Variants in SMIM36 observed in about 807,000 individuals in gnomAD.
SMIM36 encodes small integral membrane protein 36.
intron 1 of SMIM36, among the ~76,000 whole-genome samples, chr17:55,493,020 G>C (rs896218488): frequency 1.3e-5 from 2 of 152,172 alleles, no homozygotes; most frequent in Non-Finnish European, 2.9e-5. Context: ...ATGTCAGATG[G>C]AAAACATGTT....
At chr17:55,475,214 C>T (rs1348794464) in intron 3 of SMIM36, among the ~76,000 whole-genome samples, 1 of 152,174 alleles carries the variant, frequency 6.6e-6, no homozygotes. Context: ...CCTGTTTACA[C>T]TGCCGGTTTA....
chr17:55,473,382 C>T (rs899185910), intron 3 of SMIM36, among the ~76,000 whole-genome samples: 12 of 152,174 alleles, frequency 7.9e-5, no homozygotes, highest in African/African-American at 2.2e-4. Context: ...TCGACACCTC[C>T]ACCAGATGGG....
the SMIM36 span, among the ~76,000 whole-genome samples, chr17:55,522,810 A>G: frequency 6.6e-6 from 1 of 152,078 alleles, no homozygotes; most frequent in Non-Finnish European, 1.5e-5. Flanking sequence ...TTTGTTTGTG[A>G]TATGACTCTC....
At chr17:55,460,446 A>C (rs1030666463) in intron 4 of SMIM36, among the ~76,000 whole-genome samples, 1 of 97,374 alleles carries the variant, frequency 1.0e-5, no homozygotes, top group South Asian at 3.1e-4. Flanking sequence ...AAAACAAAAA[A>C]CAAAACAAAA....
At chr17:55,492,242 CTTT>C (rs770501215) in intron 1 of SMIM36, among the ~76,000 whole-genome samples, 90 of 111,308 alleles carry the variant, frequency 8.1e-4, no homozygotes, top group African/African-American at 2.7e-3. Context: ...TTCTTTCTTT[CTTT>C]TTTTTTTTTT....
chr17:55,496,883 C>T (rs1567869536), intron 1 of SMIM36, among the ~76,000 whole-genome samples: 1 of 152,160 alleles, frequency 6.6e-6, no homozygotes, highest in Non-Finnish European at 1.5e-5. Context: ...CCCACCCTTT[C>T]AACCTAAAGG....
chr17:55,462,993 C>G (rs1909171852), intron 4 of SMIM36, among the ~76,000 whole-genome samples: 2 of 152,164 alleles, frequency 1.3e-5, no homozygotes, highest in South Asian at 4.2e-4. Flanking sequence ...GATTTATCTT[C>G]ATTTACCCAA....
intron 1 of SMIM36, among the ~76,000 whole-genome samples, chr17:55,482,058 A>G (rs919075270): frequency 6.6e-6 from 1 of 152,178 alleles, no homozygotes; most frequent in Non-Finnish European, 1.5e-5. Flanking sequence ...AACCCTCTCC[A>G]TTGAGCTGAC....
At chr17:55,496,126 C>T (rs924589453) in intron 1 of SMIM36, among the ~76,000 whole-genome samples, 1 of 152,184 alleles carries the variant, frequency 6.6e-6, no homozygotes, top group South Asian at 2.1e-4. Flanking sequence ...GACAAACAAT[C>T]CAGATTCCAA....
At chr17:55,497,745 CT>C in intron 1 of SMIM36, among the ~76,000 whole-genome samples, 1 of 152,274 alleles carries the variant, frequency 6.6e-6, no homozygotes, top group Non-Finnish European at 1.5e-5. Context: ...CAAATGGTTA[CT>C]CAGCTTGTGC....
chr17:55,486,738 C>G (rs1383173897), intron 1 of SMIM36, among the ~76,000 whole-genome samples: 1 of 152,182 alleles, frequency 6.6e-6, no homozygotes. Flanking sequence ...AGAATTTCAT[C>G]TCCAAGTCAA....
chr17:55,519,596 T>A, the SMIM36 span, among the ~76,000 whole-genome samples: 3 of 152,190 alleles, frequency 2.0e-5, no homozygotes, highest in South Asian at 2.1e-4. Context: ...GGAGTTGAGA[T>A]AATAAAAAAT....
intron 4 of SMIM36, among the ~76,000 whole-genome samples, chr17:55,457,771 C>T (rs1369496865): frequency 6.6e-6 from 1 of 152,050 alleles, no homozygotes; most frequent in Non-Finnish European, 1.5e-5. Flanking sequence ...GGCAATCCCC[C>T]CACCTCAGCC....
chr17:55,522,832 G>GT, the SMIM36 span, among the ~76,000 whole-genome samples: 132 of 152,296 alleles, frequency 8.7e-4, no homozygotes, highest in African/African-American at 2.2e-3. Context: ...CCTCTAGAAA[G>GT]TAAGTTCCAT....
chr17:55,467,543 C>T lies in SMIM36; in HGVS notation c.*348-215G>A, dbSNP rs933092471. 3.3e-5 allele frequency among the ~76,000 whole-genome samples: 5 copies of T among 152,020 alleles called. No individual in the cohort carries two copies. In the East Asian group the frequency reaches 9.6e-4, roughly 29 times the overall value. ...TCCCAAGTAGCTGGGACTACAGGCG[C>T]CGGCCACCATGCCCAGCTAATTTTT... On this transcript the variant is annotated intron_variant, in intron 3 of 4. Coordinates refer to ENST00000636752, the Ensembl canonical transcript of SMIM36.
chr17:55,517,771 G>C, the SMIM36 span, among the ~76,000 whole-genome samples: 2 of 152,172 alleles, frequency 1.3e-5, no homozygotes, highest in Non-Finnish European at 2.9e-5. Flanking sequence ...TTTGAGTTCA[G>C]ATCTTAGTGG....
At chr17:55,505,567 G>A (rs1910067150) in intron 1 of SMIM36, among the ~76,000 whole-genome samples, 1 of 69,412 alleles carries the variant, frequency 1.4e-5, no homozygotes, top group Admixed American at 1.4e-4. Flanking sequence ...GTATTGATGG[G>A]ACGTATCTCA....
At chr17:55,454,455 G>A (rs1908980721) in intron 4 of SMIM36, among the ~76,000 whole-genome samples, 1 of 152,160 alleles carries the variant, frequency 6.6e-6, no homozygotes. Context: ...TACCTGTATT[G>A]TTTTGCTTTT....
chr17:55,508,555 A>G (rs1017684225), intron 1 of SMIM36, among the ~76,000 whole-genome samples: 18 of 150,310 alleles, frequency 1.2e-4, no homozygotes, highest in African/African-American at 3.7e-4. Context: ...TATATAATAT[A>G]TAAAGGGTAG....
Sources: gnomAD v4.1 joint callset for allele counts (sites outside exome capture counted in the v4.1 genomes callset) on GRCh38, gnomAD v4.1.1 for gene constraint, MANE v1.5 for transcripts, NCBI Gene and HGNC (gene_info 2026-07-23, HGNC 2026-07-21) for gene names.